The following TCERG1L variants were observed in gnomAD, a reference collection of about 807,000 sequenced individuals.
The protein encoded by TCERG1L is transcription elongation regulator 1 like.
A neutral mutation model predicts 56.3 loss-of-function variants in TCERG1L; 37 were observed. That is an observed-to-expected ratio of 0.66 (90% confidence interval 0.51 to 0.87). The LOEUF (loss-of-function observed/expected upper bound fraction) is 0.87, where lower values mean the gene tolerates loss of function less well. TCERG1L is among the 40% of genes least tolerant of loss of function. TCERG1L has a pLI of 0.00. For synonymous variants in TCERG1L, 324 were observed against 326.3 expected, an observed-to-expected ratio of 0.99 and a Z score of 0.08; for missense variants, 799 against 774.2, an observed-to-expected ratio of 1.03 and a Z score of -0.38.
chr10:131,234,740 T>A (rs900822695), intron 4 of TCERG1L, among the ~76,000 whole-genome samples: 3 of 152,190 alleles, frequency 2.0e-5, no homozygotes, highest in Admixed American at 2.0e-4. Flanking sequence ...CTTCTTGCTC[T>A]ATCACCAGGC....
Position 131,311,494 on chromosome 10 carries a change from C to A in TCERG1L, c.142G>T (p.Gly48Trp). 1 of 1,196,034 alleles carries A rather than the reference C, an allele frequency of 8.4e-7. No individual in the cohort carries two copies. Among genetic ancestry groups the A allele is most frequent in the Non-Finnish European group, 1.0e-6 (1 of 963,236 alleles). The allele number at this position is 1,196,034 out of a possible 1,614,324, so 74.1% of individuals were successfully genotyped here. A position where few individuals can be genotyped will look rare whatever the true frequency, so the allele number is the denominator to read the frequency against. ...ACCCCCGCGCTGAGCCGGAGCAGCCCGGCCGAGCCCGGCACCATCCAGACC... is the reference window on the plus strand; with the variant it reads ...ACCCCCGCGCTGAGCCGGAGCAGCCAGGCCGAGCCCGGCACCATCCAGACC... ...PWVWMVPGSAGLLRLSAGVVV... is the reference protein window; with the variant it reads ...PWVWMVPGSAWLLRLSAGVVV... The change falls in exon 1 of 12, where the codon GGG (glycine) becomes TGG (tryptophan). Residue 48 changes from glycine to tryptophan, a missense_variant. Physicochemically the swap from Gly to Trp is radical, Grantham distance 184 (BLOSUM62 -2). Coordinates refer to ENST00000368642, the MANE Select transcript of TCERG1L (RefSeq NM_174937.4). The surrounding 1 kb of genome is among the most constrained non-coding windows in gnomAD (Gnocchi z 4.0).
At chr10:131,126,304 G>A (rs1845564733) in intron 8 of TCERG1L, among the ~76,000 whole-genome samples, 1 of 152,200 alleles carries the variant, frequency 6.6e-6, no homozygotes, top group Non-Finnish European at 1.5e-5. Flanking sequence ...GCAGAATGAG[G>A]AGTGATCAGG....
intron 4 of TCERG1L, among the ~76,000 whole-genome samples, chr10:131,218,311 C>G (rs1406378060): frequency 6.6e-6 from 1 of 152,124 alleles, no homozygotes; most frequent in Non-Finnish European, 1.5e-5. Flanking sequence ...TTTTAAAACA[C>G]AGAAACAATG....
chr10:131,135,661 T>C (rs373517500), intron 7 of TCERG1L, among the ~76,000 whole-genome samples: 28 of 152,340 alleles, frequency 1.8e-4, no homozygotes, highest in African/African-American at 6.3e-4. Flanking sequence ...CTCCGCCACC[T>C]GAGCTGCCCA....
intron 4 of TCERG1L, among the ~76,000 whole-genome samples, chr10:131,182,584 G>A (rs1845192194): frequency 6.6e-6 from 1 of 152,146 alleles, no homozygotes; most frequent in Non-Finnish European, 1.5e-5. Context: ...CAAAACAAAA[G>A]ATAACGTCAG....
chr10:131,100,125 C>T (rs1845291452), intron 10 of TCERG1L, among the ~76,000 whole-genome samples: 1 of 152,200 alleles, frequency 6.6e-6, no homozygotes, highest in South Asian at 2.1e-4. Flanking sequence ...CCTCAGCCTT[C>T]CAAAGTGCTG....
chr10:131,183,139 A>AT (rs1464419213), intron 4 of TCERG1L, among the ~76,000 whole-genome samples: 1 of 152,084 alleles, frequency 6.6e-6, no homozygotes, highest in East Asian at 1.9e-4. Context: ...GGGCAGGTAC[A>AT]TTTTTCAAAC....
chr10:131,134,817 G>A lies in TCERG1L; in HGVS notation c.1190-369C>T, dbSNP rs184356983. Among the ~76,000 whole-genome samples, 441 of 152,234 alleles carry A rather than the reference G, an allele frequency of 2.9e-3. 5 individuals carry two copies. Among genetic ancestry groups the A allele is most frequent in the African/African-American group, 9.8e-3 (408 of 41,536 alleles). On this transcript the variant is annotated intron_variant, in intron 7 of 11. Transcript: ENST00000368642. ...CTTGAGAGGGAACCATGAGACCGGG[G>A]CCACCTCTGCGGCCACTGCCCCAGG...
chr10:131,210,352 G>A (rs1256621371), intron 4 of TCERG1L, among the ~76,000 whole-genome samples: 2 of 152,138 alleles, frequency 1.3e-5, no homozygotes, highest in Non-Finnish European at 2.9e-5. Context: ...TCTGCCCCCA[G>A]GGCCATCCTT....
At chr10:131,207,172 C>T (rs933890632) in intron 4 of TCERG1L, among the ~76,000 whole-genome samples, 7 of 152,032 alleles carry the variant, frequency 4.6e-5, no homozygotes, top group Non-Finnish European at 7.4e-5. Context: ...GCCCCGACCT[C>T]TTCCCCTACC....
chr10:131,150,461 GC>G (rs894398002), intron 6 of TCERG1L, among the ~76,000 whole-genome samples: 3 of 152,310 alleles, frequency 2.0e-5, no homozygotes, highest in Non-Finnish European at 4.4e-5. Context: ...CGGGACACAG[GC>G]TCAGACTGGC....
At chr10:131,209,309 T>C (rs4750856) in intron 4 of TCERG1L, among the ~76,000 whole-genome samples, 88,511 of 151,914 alleles carry the variant, frequency 0.58, 26,195 homozygotes, top group East Asian at 0.72. Context: ...TTTCTCAGCC[T>C]GGCTCTGACA....
intron 4 of TCERG1L, among the ~76,000 whole-genome samples, chr10:131,183,403 TC>T (rs1365871993): frequency 2.0e-5 from 3 of 152,198 alleles, no homozygotes; most frequent in Non-Finnish European, 4.4e-5. Context: ...ATTTACCTTT[TC>T]CCATTTCTAT....
At chr10:131,229,892 C>G (rs182184079) in intron 4 of TCERG1L, among the ~76,000 whole-genome samples, 1 of 152,162 alleles carries the variant, frequency 6.6e-6, no homozygotes, top group Non-Finnish European at 1.5e-5. Flanking sequence ...ACCTTCTGAA[C>G]GAAGCGCTGA....
intron 3 of TCERG1L, among the ~76,000 whole-genome samples, chr10:131,281,285 A>G (rs893906653): frequency 1.3e-5 from 2 of 152,320 alleles, no homozygotes; most frequent in Admixed American, 6.5e-5. Flanking sequence ...ATGCTGAGGA[A>G]TGCCCTGCAC....
chr10:131,248,239 G>A (rs537260371), intron 4 of TCERG1L, among the ~76,000 whole-genome samples: 57 of 146,698 alleles, frequency 3.9e-4, no homozygotes, highest in Non-Finnish European at 7.4e-4. Flanking sequence ...ACACACACAC[G>A]ACTCACACAC....
intron 4 of TCERG1L, among the ~76,000 whole-genome samples, chr10:131,181,759 T>C (rs1280351786): frequency 2.0e-5 from 3 of 152,256 alleles, no homozygotes; most frequent in African/African-American, 2.4e-5. Context: ...TCAGCTCCTC[T>C]GGGTCCACGT....
rs151248099 is a variant in TCERG1L, at chr10:131,160,548, A to T, written c.1034+2574T>A. On this transcript the variant is annotated intron_variant, in intron 6 of 11. Coordinates refer to ENST00000368642, the MANE Select transcript of TCERG1L (RefSeq NM_174937.4). ...CAAGTACCCCTGGCTTAGCTGCTCCACTCTCAGAAACCCACAAGGACCTGC... is the reference window on the plus strand; with the variant it reads ...CAAGTACCCCTGGCTTAGCTGCTCCTCTCTCAGAAACCCACAAGGACCTGC... Among the ~76,000 whole-genome samples the T allele has an allele frequency of 7.2e-3, 1,094 of 151,876 alleles. 6 individuals are homozygous for T. The highest frequency in any genetic ancestry group is 9.2e-3 in the Non-Finnish European group (623 of 67,922).
chr10:131,276,070 A>C (rs1040260681), intron 3 of TCERG1L, among the ~76,000 whole-genome samples: 3 of 152,142 alleles, frequency 2.0e-5, no homozygotes, highest in African/African-American at 7.2e-5. Flanking sequence ...TAACACATAC[A>C]TGTTAATTGG....
Sources: gnomAD v4.1 joint callset for allele counts (sites outside exome capture counted in the v4.1 genomes callset) on GRCh38, gnomAD v4.1.1 for gene constraint, Gnocchi (gnomAD v3.1) non-coding constraint, MANE v1.5 for transcripts, NCBI Gene and HGNC (gene_info 2026-07-23, HGNC 2026-07-21) for gene names.